Variants in MAP3K1 observed in about 807,000 individuals in gnomAD.
MAP3K1 encodes mitogen-activated protein kinase kinase kinase 1.
MAP3K1 carries 36 observed loss-of-function variants against 144.2 expected under a neutral mutation model. The observed-to-expected ratio is 0.25, with a 90% CI of 0.19 to 0.33. The LOEUF (loss-of-function observed/expected upper bound fraction) is 0.33, where lower values mean the gene tolerates loss of function less well. Ranked by LOEUF, MAP3K1 falls within the 10% of genes least tolerant of loss-of-function variation. The pLI is 1.00. For synonymous variants in MAP3K1, 718 were observed against 688.7 expected (o/e 1.04, Z -0.67); for missense variants, 1,650 against 1,881.9 (o/e 0.88, Z 2.28).
intron 1 of MAP3K1, among the ~76,000 whole-genome samples, chr5:56,816,871 C>T (rs62355944): frequency 0.085 from 12,922 of 152,294 alleles, 1,025 homozygotes; most frequent in East Asian, 0.34. Flanking sequence ...TTGAATTTGG[C>T]CTTTGAAGTT....
chr5:56,816,841 G>A (rs924663977), intron 1 of MAP3K1, among the ~76,000 whole-genome samples: 9 of 152,254 alleles, frequency 5.9e-5, no homozygotes, highest in African/African-American at 1.9e-4. Context: ...TAAGTCACTT[G>A]AGTGACTTCT....
chr5:56,879,736 C>T (rs1470231079), intron 11 of MAP3K1, among the ~76,000 whole-genome samples: 1 of 152,150 alleles, frequency 6.6e-6, no homozygotes, highest in African/African-American at 2.4e-5. Context: ...TTATTTTCCC[C>T]TTCCATAAAA....
At chr5:56,865,600 CT>C in intron 5 of MAP3K1, 144 bp downstream of exon 5, 1 of 687,230 alleles carries the variant, frequency 1.5e-6, no homozygotes, top group Non-Finnish European at 2.5e-6. Context: ...ATAAATAGTT[CT>C]CATGAGATAT....
At chr5:56,879,975 A>T (rs766996711) in intron 11 of MAP3K1, among the ~76,000 whole-genome samples, 1 of 152,132 alleles carries the variant, frequency 6.6e-6, no homozygotes, top group Non-Finnish European at 1.5e-5. Flanking sequence ...TTAGGTACCT[A>T]CCTTTAACGA....
At chr5:56,878,422 C>G (rs900274229) in intron 10 of MAP3K1, among the ~76,000 whole-genome samples, 1 of 152,250 alleles carries the variant, frequency 6.6e-6, no homozygotes, top group African/African-American at 2.4e-5. Context: ...GCACGTTCTG[C>G]ACATGTACCC....
At chr5:56,872,745 G>T in intron 8 of MAP3K1, 23 bp downstream of exon 8, 1 of 1,592,270 alleles carries the variant, frequency 6.3e-7, no homozygotes, top group East Asian at 2.2e-5. Flanking sequence ...AAATGATACG[G>T]ATATGTTTAA....
chr5:56,872,065 A>G (rs748922540), intron 7 of MAP3K1, 34 bp downstream of exon 7: 2 of 1,613,500 alleles, frequency 1.2e-6, no homozygotes. Flanking sequence ...TGCTTACTCA[A>G]CACAGTTGCT....
intron 1 of MAP3K1, among the ~76,000 whole-genome samples, chr5:56,845,163 G>C (rs1746950794): frequency 6.6e-6 from 1 of 152,152 alleles, no homozygotes; most frequent in African/African-American, 2.4e-5. Flanking sequence ...AATTTTGTTA[G>C]TGGGGTAAGA....
rs1329673504 is a variant in MAP3K1, at chr5:56,815,591, G to T, written c.18G>T (p.Gly6=). The change falls in exon 1 of 20, where the codon GGG becomes GGT. Residue 6 remains glycine (G), a synonymous_variant. Transcript: ENST00000399503. MAAAA[G]NRASSSGFPG... ...GAGAGAAAATGGCGGCGGCGGCGGG[G>T]AATCGCGCCTCGTCGTCGGGATTCC... 3 of 1,297,186 alleles carry T rather than the reference G, an allele frequency of 2.3e-6. No individual in the cohort carries two copies. Among genetic ancestry groups the T allele is most frequent in the Admixed American group, 3.9e-5 (1 of 25,322 alleles). 80.4% of individuals were successfully genotyped at this position (1,297,186 alleles called of 1,614,324 possible). A position where few individuals can be genotyped will look rare whatever the true frequency, so the allele number is the denominator to read the frequency against.
chr5:56,872,578 A>G (rs1747887750), intron 7 of MAP3K1, 63 bp from the exon 8 acceptor site: 5 of 938,584 alleles, frequency 5.3e-6, no homozygotes, highest in Non-Finnish European at 8.6e-6. Flanking sequence ...ATAAACAGTT[A>G]TGAAATAAAA....
chr5:56,879,222 T>C, intron 11 of MAP3K1, 121 bp downstream of exon 11: 1 of 1,287,122 alleles, frequency 7.8e-7, no homozygotes, highest in South Asian at 1.2e-5. Flanking sequence ...ACATTGTCTT[T>C]TAATGTGAGA....
Position 56,843,560 on chromosome 5 carries a change from C to G in MAP3K1, c.483-13040C>G, listed in dbSNP as rs180940383. ...TTTGGTTTGGTTTGGTTTCTCATGGCTTTTTTGCTTTCACCCCAGACCTAA... is the reference window on the plus strand; with the variant it reads ...TTTGGTTTGGTTTGGTTTCTCATGGGTTTTTTGCTTTCACCCCAGACCTAA... On this transcript the variant is annotated intron_variant, in intron 1 of 19. Transcript: ENST00000399503. Among the ~76,000 whole-genome samples, 18 of 152,212 alleles carry G rather than the reference C, an allele frequency of 1.2e-4. No homozygotes were observed. In the East Asian group the frequency reaches 3.3e-3, roughly 28 times the overall value.
At chr5:56,875,979 A>C (rs1052314769) in intron 10 of MAP3K1, among the ~76,000 whole-genome samples, 3 of 152,170 alleles carry the variant, frequency 2.0e-5, no homozygotes, top group Non-Finnish European at 4.4e-5. Flanking sequence ...AGCCTTTTCA[A>C]AGAAAAGGGT....
chr5:56,815,763 A>G lies in MAP3K1; in HGVS notation c.190A>G (p.Lys64Glu), dbSNP rs769021328. The G allele has an allele frequency of 4.3e-6, 6 of 1,382,360 alleles. No individual in the cohort carries two copies. In the Admixed American group the frequency reaches 1.0e-4, roughly 24 times the overall value. 85.6% of individuals were successfully genotyped at this position (1,382,360 alleles called of 1,614,324 possible). The part of the protein sequence containing the change: ...RADWRRRQLR[K>E]VRSVELDQLP... ...GGACTGGCGGCGGCGGCAGCTGCGC[A>G]AAGTGCGGAGTGTGGAGCTGGACCA... Residue 64 changes from lysine to glutamate, a missense_variant, in exon 1 of 20, where the codon AAA becomes GAA. By Grantham distance (56) the Lys-to-Glu change is moderately conservative. Around this residue, in one of 6 missense-constraint regions of MAP3K1, gnomAD observed 360 missense variants for 274.7 expected, o/e 1.31. Coordinates refer to ENST00000399503, the MANE Select transcript of MAP3K1 (RefSeq NM_005921.2).
At chr5:56,875,548 T>C (rs1481822397) in intron 10 of MAP3K1, among the ~76,000 whole-genome samples, 2 of 152,222 alleles carry the variant, frequency 1.3e-5, no homozygotes, top group Non-Finnish European at 1.5e-5. Context: ...TTCATTGTTT[T>C]AAAGGCTTTG....
intron 1 of MAP3K1, among the ~76,000 whole-genome samples, chr5:56,827,225 A>C (rs946352795): frequency 2.6e-5 from 4 of 152,190 alleles, no homozygotes; most frequent in Admixed American, 6.5e-5. Flanking sequence ...CCAGAGAGAG[A>C]GCCACGCAGA....
intron 3 of MAP3K1, among the ~76,000 whole-genome samples, chr5:56,861,377 G>A (rs1333809184): frequency 6.6e-6 from 1 of 151,900 alleles, no homozygotes; most frequent in Non-Finnish European, 1.5e-5. Context: ...TTCAAGATCA[G>A]CCTGGCCAAC....
intron 1 of MAP3K1, among the ~76,000 whole-genome samples, chr5:56,848,762 A>G (rs1229235780): frequency 2.0e-5 from 3 of 152,214 alleles, no homozygotes; most frequent in African/African-American, 7.2e-5. Context: ...TTTAGGGTAA[A>G]TGGAGTTATT....
Position 56,895,373 on chromosome 5 carries a change from T to TTA in MAP3K1, c.*1694_*1695insAT, listed in dbSNP as rs1561208988. The stretch of plus-strand genomic sequence containing the variant: ...GACTTTCTTTTTTATTTTGTTTTTT[T>TTA]TTTTTTTTGACTACTTAGAATTTTC... On this transcript the variant is annotated 3_prime_UTR_variant, in exon 20 of 20. Coordinates refer to ENST00000399503, the MANE Select transcript of MAP3K1 (RefSeq NM_005921.2). 8.7e-6 allele frequency: 2 copies of TTA among 229,518 alleles called. No individual in the cohort carries two copies. The highest frequency in any genetic ancestry group is 2.2e-5 in the African/African-American group (1 of 45,008). 14.2% of individuals were successfully genotyped at this position (229,518 alleles called of 1,614,324 possible).
Sources: allele counts gnomAD v4.1 joint callset (sites outside exome capture counted in the v4.1 genomes callset), GRCh38; gene constraint gnomAD v4.1.1; regional missense constraint gnomAD v4.1.1; transcripts MANE v1.5; gene names NCBI Gene and HGNC (gene_info 2026-07-23, HGNC 2026-07-21).